CEP135: variants seen among roughly 807,000 people sequenced by gnomAD.
CEP135 encodes the protein centrosomal protein of 135 kDa.
Under a neutral mutation model 157.3 loss-of-function variants are expected in CEP135, and 142 were observed. That is an observed-to-expected ratio of 0.90 (90% CI 0.79 to 1.04). The LOEUF (loss-of-function observed/expected upper bound fraction) is 1.04, where lower values mean the gene tolerates loss of function less well. Among genes scored for constraint, CEP135 ranks in the 50% least tolerant of loss-of-function variants. The pLI is 0.00. For missense variants in CEP135, 1,317 were observed against 1,309.2 expected, an observed-to-expected ratio of 1.01 and a Z score of -0.09; for synonymous variants, 396 against 439.8, an observed-to-expected ratio of 0.90 and a Z score of 1.25.
In CEP135 at chr4:55,964,449, A is replaced by T. The variant is rs780858722; in HGVS notation, c.828+47A>T. ...TCACTGAGTGTATATAATGGTGTTT[A>T]TAATAAACACTATATGTTTATAATG... On this transcript the variant is annotated intron_variant, in intron 7 of 25. Transcript: ENST00000257287. 14 of 1,457,350 alleles carry T rather than the reference A, an allele frequency of 9.6e-6. No individual in the cohort carries two copies. In the Admixed American group the frequency reaches 2.6e-4, roughly 27 times the overall value. 90.3% of individuals were successfully genotyped at this position (1,457,350 alleles called of 1,614,324 possible). A position where few individuals can be genotyped will look rare whatever the true frequency, so the allele number is the denominator to read the frequency against.
At chr4:56,012,106 G>A in intron 21 of CEP135, 121 bp downstream of exon 21, 2 of 596,412 alleles carry the variant, frequency 3.4e-6, no homozygotes, top group Non-Finnish European at 5.2e-6. Context: ...TGCCCAGGCT[G>A]GAGTGCAATG....
chr4:55,959,935 C>T (rs2109648356), intron 6 of CEP135, 169 bp downstream of exon 6: 1 of 641,830 alleles, frequency 1.6e-6, no homozygotes. Context: ...GGTGGCTTTA[C>T]TTACTTAGCC....
intron 5 of CEP135, among the ~76,000 whole-genome samples, chr4:55,959,061 G>T (rs936728235): frequency 3.9e-5 from 6 of 152,016 alleles, no homozygotes; most frequent in Non-Finnish European, 4.4e-5. Flanking sequence ...TTCTAGCCCG[G>T]GTAACATAGG....
intron 15 of CEP135, among the ~76,000 whole-genome samples, chr4:55,998,511 T>C (rs1730052945): frequency 1.3e-5 from 2 of 152,214 alleles, no homozygotes; most frequent in African/African-American, 4.8e-5. Context: ...CTTTCCCTGC[T>C]TTCTGTCACT....
rs375177153 is a variant in CEP135 at position 55,990,277 on chromosome 4, T to A, written c.1858-1657T>A. ...TCGCTTCTAGAGCTGTGTATTCTTA[T>A]TCCTTTACTGTCATTTTAGCAATGC... On this transcript the variant is annotated intron_variant, in intron 14 of 25. Transcript: ENST00000257287. 5.3e-5 allele frequency among the ~76,000 whole-genome samples: 8 copies of A among 152,312 alleles called. 1 individual carries two copies. Among genetic ancestry groups the A allele is most frequent in the African/African-American group, 1.9e-4 (8 of 41,580 alleles).
At chr4:55,952,521 C>G (rs1728386999) in intron 2 of CEP135, 1 of 256,044 alleles carries the variant, frequency 3.9e-6, no homozygotes, top group South Asian at 1.4e-4. Flanking sequence ...TTGAGAGACA[C>G]TTTTCCCTTA....
In CEP135 at chr4:55,981,956, T is replaced by C. The variant is rs185914479; in HGVS notation, c.1779+577T>C. 2.1e-4 allele frequency among the ~76,000 whole-genome samples: 32 copies of C among 152,298 alleles called. No homozygotes were observed. In the Middle Eastern group the frequency reaches 0.01, roughly 49 times the overall value. Reference sequence around the variant, plus strand: ...TTGAGTCCACAGGCTCCTCAACTTATACTGGGGTTACCTCCTGATAAACCC... The same window carrying C: ...TTGAGTCCACAGGCTCCTCAACTTACACTGGGGTTACCTCCTGATAAACCC... On this transcript the variant is annotated intron_variant, in intron 13 of 25. Transcript: ENST00000257287.
At chr4:56,008,255 T>C (rs1383846985) in intron 17 of CEP135, 72 bp from the exon 18 acceptor site, 47 of 1,061,698 alleles carry the variant, frequency 4.4e-5, no homozygotes, top group Non-Finnish European at 6.7e-5. Flanking sequence ...ACTATATGAA[T>C]ATGACAAGTT....
chr4:56,021,829 C>A (rs1273134137), intron 24 of CEP135, among the ~76,000 whole-genome samples: 4 of 152,158 alleles, frequency 2.6e-5, no homozygotes, highest in Non-Finnish European at 5.9e-5. Context: ...AGTTTGAAAT[C>A]AGCGTGAGCA....
intron 14 of CEP135, 74 bp from the exon 15 acceptor site, chr4:55,991,860 A>T: frequency 1.3e-6 from 1 of 752,366 alleles, no homozygotes; most frequent in East Asian, 3.2e-5. Flanking sequence ...CGGAAATATT[A>T]TTAAAGAGTG....
rs564173457 is a variant in CEP135, at chr4:56,032,873, T to C, written c.*1525T>C. ...GTGTGTGTGTGTGTGTGTGTGTGTA[T>C]ACCTGGGGGTGGGCAGTGCTCTTTT... On this transcript the variant is annotated 3_prime_UTR_variant, in exon 26 of 26. Transcript: ENST00000257287. The C allele has an allele frequency of 1.3e-5, 2 of 152,226 alleles. No homozygotes were observed. The highest frequency in any genetic ancestry group is 3.9e-4 in the East Asian group (2 of 5,188). 9.4% of individuals were successfully genotyped at this position (152,226 alleles called of 1,614,324 possible). A position where few individuals can be genotyped will look rare whatever the true frequency, so the allele number is the denominator to read the frequency against.
intron 1 of CEP135, 99 bp downstream of exon 1, chr4:55,949,158 G>C (rs771268524): frequency 7.0e-4 from 106 of 152,492 alleles, no homozygotes; most frequent in Non-Finnish European, 1.4e-3. Flanking sequence ...ACTGCCGGGA[G>C]GCCGCGCGGC....
chr4:56,011,834 A>G lies in CEP135; in HGVS notation c.2651A>G (p.Gln884Arg), dbSNP rs775875844. The G allele has an allele frequency of 1.9e-6, 3 of 1,581,984 alleles. No individual in the cohort carries two copies. The highest frequency in any genetic ancestry group is 1.4e-5 in the African/African-American group (1 of 72,756). Residue 884 changes from glutamine to arginine, a missense_variant, in exon 21 of 26, where the codon CAG becomes CGG. By Grantham distance (43) the Gln-to-Arg change is conservative. Transcript: ENST00000257287. ...AATCAAGATTTGTTAGATAGATTTC[A>G]GATGCTTCATAACCGTGCTGAAGAC... The part of the protein sequence containing the change: ...KENQDLLDRF[Q>R]MLHNRAEDWE...
intron 8 of CEP135, among the ~76,000 whole-genome samples, chr4:55,968,538 C>G (rs915813777): frequency 6.6e-6 from 1 of 152,160 alleles, no homozygotes; most frequent in Admixed American, 6.5e-5. Flanking sequence ...TATCTCATCC[C>G]TCTCTTTTTC....
At chr4:55,953,423 C>T (rs189455927) in intron 3 of CEP135, 148 bp downstream of exon 3, 6 of 538,494 alleles carry the variant, frequency 1.1e-5, no homozygotes, top group Non-Finnish European at 5.9e-6. Context: ...CCCAGCTACT[C>T]GGGAGTTTAA....
rs368511984 is a variant in CEP135, at chr4:55,988,989, A to G, written c.1858-2945A>G. On this transcript the variant is annotated intron_variant, in intron 14 of 25. Transcript: ENST00000257287. ...TCGAAAAAAAAAAAAAACATAATAAAACAACAGGGATTGGGAGAGACTGAT... is the reference window on the plus strand; with the variant it reads ...TCGAAAAAAAAAAAAAACATAATAAGACAACAGGGATTGGGAGAGACTGAT... Among the ~76,000 whole-genome samples the G allele has an allele frequency of 2.3e-3, 347 of 152,042 alleles. 1 individual carries two copies. Among genetic ancestry groups the G allele is most frequent in the African/African-American group, 8.1e-3 (334 of 41,478 alleles).
intron 9 of CEP135, among the ~76,000 whole-genome samples, chr4:55,969,447 AAG>A (rs1477450146): frequency 1.3e-5 from 2 of 151,262 alleles, no homozygotes; most frequent in Non-Finnish European, 3.0e-5. Context: ...AAAAAAAAAA[AAG>A]AAAAGAAAAT....
Position 55,981,975 on chromosome 4 carries a change from T to A in CEP135, c.1779+596T>A, listed in dbSNP as rs940661649. Among the ~76,000 whole-genome samples the A allele has an allele frequency of 2.6e-5, 4 of 152,196 alleles. No homozygotes were observed. In the South Asian group the frequency reaches 6.2e-4, roughly 24 times the overall value. On this transcript the variant is annotated intron_variant, in intron 13 of 25. Transcript: ENST00000257287. ...AACTTATACTGGGGTTACCTCCTGA[T>A]AAACCCATAACAAAGTCAAAAATGT...
intron 10 of CEP135, among the ~76,000 whole-genome samples, chr4:55,972,916 C>T (rs1275322506): frequency 1.3e-5 from 2 of 152,052 alleles, no homozygotes; most frequent in East Asian, 3.9e-4. Context: ...CCTGTAATCC[C>T]AGCTACTCAG....
Sources: gnomAD v4.1 joint callset for allele counts (sites outside exome capture counted in the v4.1 genomes callset) on GRCh38, gnomAD v4.1.1 for gene constraint, MANE v1.5 for transcripts, NCBI Gene and HGNC (gene_info 2026-07-23, HGNC 2026-07-21) for gene names.